FRK: variants seen among roughly 807,000 people sequenced by gnomAD.
The protein encoded by FRK is fyn related Src family tyrosine kinase, also known as tyrosine-protein kinase FRK.
A neutral mutation model predicts 56.4 loss-of-function variants in FRK; 51 were observed. That is an observed-to-expected ratio of 0.90 (90% confidence interval 0.72 to 1.14). The LOEUF (loss-of-function observed/expected upper bound fraction) is 1.14, where lower values mean the gene tolerates loss of function less well. Among genes scored for constraint, FRK ranks in the 50% most tolerant of loss-of-function variants. FRK has a pLI of 0.00. For missense variants in FRK, 570 were observed against 601.4 expected, an observed-to-expected ratio of 0.95 and a Z score of 0.55; for synonymous variants, 245 against 217.9, an observed-to-expected ratio of 1.12 and a Z score of -1.10.
chr6:115,958,704 GAAGA>G (rs778214232), intron 4 of FRK, among the ~76,000 whole-genome samples: 58 of 6,962 alleles, frequency 8.3e-3, no homozygotes, highest in African/African-American at 0.023. Context: ...AAGAAAGAAA[GAAGA>G]AAGAAAGAAA....
the FRK span, among the ~76,000 whole-genome samples, chr6:116,094,317 C>T: frequency 6.6e-6 from 1 of 152,198 alleles, no homozygotes; most frequent in Non-Finnish European, 1.5e-5. Context: ...CCTCACTGAG[C>T]CCCGGGTACA....
the FRK span, among the ~76,000 whole-genome samples, chr6:116,081,190 G>C: frequency 6.6e-6 from 1 of 152,104 alleles, no homozygotes; most frequent in Admixed American, 6.5e-5. Flanking sequence ...CAACATGCAG[G>C]GATTATGGGA....
the FRK span, among the ~76,000 whole-genome samples, chr6:116,096,871 G>A: frequency 3.2e-4 from 49 of 152,328 alleles, no homozygotes; most frequent in Non-Finnish European, 5.9e-4. Flanking sequence ...TTTAAGAGCT[G>A]TAACACTCAC....
intron 1 of FRK, among the ~76,000 whole-genome samples, chr6:116,032,051 G>T (rs933080432): frequency 6.6e-6 from 1 of 151,864 alleles, no homozygotes; most frequent in African/African-American, 2.4e-5. Flanking sequence ...CCAACATAAG[G>T]TTCCTTCCTA....
chr6:115,983,096 T>C (rs1774267982), intron 2 of FRK, among the ~76,000 whole-genome samples: 1 of 151,840 alleles, frequency 6.6e-6, no homozygotes, highest in Admixed American at 6.6e-5. Context: ...ATCTGTTGAA[T>C]TTGTATTGAG....
intron 5 of FRK, among the ~76,000 whole-genome samples, chr6:115,954,628 G>C (rs1352392689): frequency 2.0e-5 from 3 of 152,192 alleles, no homozygotes; most frequent in Non-Finnish European, 4.4e-5. Context: ...AATACAGGGA[G>C]ATCAGTTTGG....
At chr6:116,001,232 T>C (rs1775054455) in intron 2 of FRK, among the ~76,000 whole-genome samples, 1 of 149,874 alleles carries the variant, frequency 6.7e-6, no homozygotes. Flanking sequence ...AGTGAGACTC[T>C]GTCTGAAAAA....
intron 1 of FRK, among the ~76,000 whole-genome samples, chr6:116,058,632 C>T (rs1376744887): frequency 1.3e-5 from 2 of 152,070 alleles, no homozygotes; most frequent in African/African-American, 2.4e-5. Flanking sequence ...CCATTTTGGC[C>T]GGGCGCGGTG....
At chr6:116,054,261 A>G (rs1777289257) in intron 1 of FRK, among the ~76,000 whole-genome samples, 1 of 150,512 alleles carries the variant, frequency 6.6e-6, no homozygotes, top group Non-Finnish European at 1.5e-5. Context: ...GGTGAAAAAT[A>G]AAGGATGGGG....
chr6:116,099,231 C>G, the FRK span, among the ~76,000 whole-genome samples: 2 of 152,042 alleles, frequency 1.3e-5, no homozygotes, highest in Admixed American at 1.3e-4. Flanking sequence ...GAAGTTTTTG[C>G]TAAGTCAACA....
intron 1 of FRK, among the ~76,000 whole-genome samples, chr6:116,037,519 A>G (rs1433957550): frequency 6.6e-6 from 1 of 152,182 alleles, no homozygotes; most frequent in African/African-American, 2.4e-5. Flanking sequence ...ATAAGCACAG[A>G]ATCATGAACT....
chr6:115,984,547 C>A (rs1774319405), intron 2 of FRK, among the ~76,000 whole-genome samples: 1 of 151,956 alleles, frequency 6.6e-6, no homozygotes, highest in South Asian at 2.1e-4. Flanking sequence ...GAGTTCTCAG[C>A]ACATGTTTGA....
At chr6:115,993,963 T>C (rs960134912) in intron 2 of FRK, among the ~76,000 whole-genome samples, 1 of 152,070 alleles carries the variant, frequency 6.6e-6, no homozygotes, top group Non-Finnish European at 1.5e-5. Context: ...AAAATTTATC[T>C]ACTGTTCCTT....
intron 2 of FRK, among the ~76,000 whole-genome samples, chr6:116,000,309 CTCTGCTCACTGCAA>C (rs1417149523): frequency 7.6e-6 from 1 of 132,408 alleles, no homozygotes; most frequent in Admixed American, 8.7e-5. Flanking sequence ...ATGGCGTGAC[CTCTGCTCACTGCAA>C]TCTCCACCTC....
rs1171377145 is a variant in FRK, at chr6:115,931,821, T to G, written c.*10593A>C. ...TTAGTTTCTTCCAAACAGGGCAGTT[T>G]TAGTTGCTTTTAACCACTTTTTCCC... is the stretch of plus-strand genomic sequence containing the variant. On this transcript the variant is annotated 3_prime_UTR_variant, in exon 8 of 8. Transcript: ENST00000606080. 6.6e-6 allele frequency: 1 copy of G among 152,216 alleles called. No homozygotes were observed. The highest frequency in any genetic ancestry group is 1.9e-4 in the East Asian group (1 of 5,208). 9.4% of individuals were successfully genotyped at this position (152,216 alleles called of 1,614,324 possible).
At chr6:116,021,125 C>A in intron 1 of FRK, among the ~76,000 whole-genome samples, 1 of 149,654 alleles carries the variant, frequency 6.7e-6, no homozygotes, top group South Asian at 2.1e-4. Context: ...TGCTGAGAAA[C>A]ATTTTAAAAA....
intron 2 of FRK, among the ~76,000 whole-genome samples, chr6:115,991,955 C>A (rs962970507): frequency 6.6e-6 from 1 of 151,250 alleles, no homozygotes; most frequent in African/African-American, 2.4e-5. Flanking sequence ...TTTCAGTATT[C>A]ATTATTGGTC....
At chr6:116,033,572 T>C (rs1397112229) in intron 1 of FRK, among the ~76,000 whole-genome samples, 5 of 152,098 alleles carry the variant, frequency 3.3e-5, no homozygotes, top group African/African-American at 1.2e-4. Flanking sequence ...GGTGTCTACT[T>C]TTCTGCCTCA....
chr6:115,966,211 A>G (rs1365277483), intron 4 of FRK, among the ~76,000 whole-genome samples: 1 of 152,192 alleles, frequency 6.6e-6, no homozygotes, highest in Admixed American at 6.5e-5. Flanking sequence ...TGATATATGC[A>G]TCCCTGGGAC....
Sources: allele counts gnomAD v4.1 joint callset (sites outside exome capture counted in the v4.1 genomes callset), GRCh38; gene constraint gnomAD v4.1.1; transcripts MANE v1.5; gene names NCBI Gene and HGNC (gene_info 2026-07-23, HGNC 2026-07-21).